The following PFKFB1 variants were observed in gnomAD, a reference collection of about 807,000 sequenced individuals.
The protein encoded by PFKFB1 is 6-phosphofructo-2-kinase/fructose-2,6-bisphosphatase 1.
A neutral mutation model predicts 46.4 loss-of-function variants in PFKFB1; 34 were observed. The ratio of observed to expected loss-of-function variants is 0.73; its 90% CI spans 0.56 to 0.98. The LOEUF (loss-of-function observed/expected upper bound fraction) is 0.98. Ranked by LOEUF, PFKFB1 falls within the 50% of genes least tolerant of loss-of-function variation. The pLI, the probability that PFKFB1 is intolerant of heterozygous loss-of-function variation, is 0.00. For synonymous variants in PFKFB1, 119 were observed against 133.8 expected (o/e 0.89, Z 0.76); for missense variants, 393 against 376.3 (o/e 1.04, Z -0.37).
intron 9 of PFKFB1, 147 bp downstream of exon 9, chrX:54,948,928 A>C: frequency 1.8e-6 from 1 of 561,728 alleles, no homozygotes; most frequent in Non-Finnish European, 2.9e-6. Flanking sequence ...CCCAAGACAT[A>C]GAATAAGGTC....
At chrX:54,934,738 C>T (rs889557704) in intron 12 of PFKFB1, among the ~76,000 whole-genome samples, 13 of 111,802 alleles carry the variant, frequency 1.2e-4, no homozygotes, top group Admixed American at 7.5e-4. Flanking sequence ...GACACAGAGT[C>T]AGAGCCAGCC....
chrX:54,992,696 C>CT (rs1464605508), intron 1 of PFKFB1, among the ~76,000 whole-genome samples: 1 of 112,080 alleles, frequency 8.9e-6, no homozygotes, highest in Non-Finnish European at 1.9e-5. Context: ...GTTCCCAGGA[C>CT]TATAAGCATT....
chrX:54,987,699 A>T (rs1339466325), intron 1 of PFKFB1, among the ~76,000 whole-genome samples: 1 of 111,420 alleles, frequency 9.0e-6, no homozygotes, highest in East Asian at 2.8e-4. Context: ...AATGCAACAG[A>T]TCACATCAAT....
intron 10 of PFKFB1, among the ~76,000 whole-genome samples, chrX:54,939,655 A>C (rs1010491279): frequency 8.0e-5 from 9 of 112,088 alleles, no homozygotes; most frequent in Non-Finnish European, 1.1e-4. Context: ...GAAATGGATA[A>C]ATTCCTGGAC....
chrX:54,971,138 T>C (rs1174172705), intron 1 of PFKFB1, among the ~76,000 whole-genome samples: 1 of 31,725 alleles, frequency 3.2e-5, no homozygotes, highest in Non-Finnish European at 5.6e-5. Context: ...ATGTCTTCTT[T>C]TGAGAAGTGT....
At chrX:54,995,476 T>C (rs181821699), upstream of PFKFB1, among the ~76,000 whole-genome samples, 53 of 112,521 alleles carry the variant, frequency 4.7e-4, no homozygotes, top group African/African-American at 1.6e-3. Flanking sequence ...TTTAATACAT[T>C]CCAGAGCCCA....
At chrX:54,980,710 AAC>A (rs751759536) in intron 1 of PFKFB1, among the ~76,000 whole-genome samples, 10,047 of 83,172 alleles carry the variant, frequency 0.12, 807 homozygotes, top group African/African-American at 0.27. Flanking sequence ...AAAAAAAGCC[AAC>A]ACACACACAC....
chrX:54,934,391 A>G (rs12392887), intron 12 of PFKFB1, among the ~76,000 whole-genome samples: 4,718 of 111,066 alleles, frequency 0.042, 244 homozygotes, highest in African/African-American at 0.15. Flanking sequence ...GAGTTTTAGG[A>G]AACCTGAAGA....
In PFKFB1 at chrX:54,974,007, C is replaced by T. The variant is rs182147436; in HGVS notation, c.98-10625G>A. Among the ~76,000 whole-genome samples the T allele has an allele frequency of 1.4e-3, 151 of 111,241 alleles. 1 individual carries two copies. The highest frequency in any genetic ancestry group is 2.9e-3 in the Admixed American group (30 of 10,447). Reference sequence around the variant, plus strand: ...TAAATAGACATACTGTGTTCATGGACTGGAATACTCAATATGGTAAAGATG... The same window carrying T: ...TAAATAGACATACTGTGTTCATGGATTGGAATACTCAATATGGTAAAGATG... On this transcript the variant is annotated intron_variant, in intron 1 of 13. Coordinates refer to ENST00000375006, the MANE Select transcript of PFKFB1 (RefSeq NM_002625.4).
At chrX:54,983,057 G>A (rs1307794944) in intron 1 of PFKFB1, among the ~76,000 whole-genome samples, 2 of 111,648 alleles carry the variant, frequency 1.8e-5, no homozygotes. Context: ...TTTATAAGGT[G>A]TTCTCAGAAG....
chrX:54,934,684 C>A (rs1933327335), intron 12 of PFKFB1, among the ~76,000 whole-genome samples: 1 of 112,277 alleles, frequency 8.9e-6, no homozygotes, highest in Non-Finnish European at 1.9e-5. Context: ...TTTGGGGAAT[C>A]CCCCTTCCAC....
At chrX:54,942,311 G>A (rs1272456724) in intron 10 of PFKFB1, among the ~76,000 whole-genome samples, 1 of 111,264 alleles carries the variant, frequency 9.0e-6, no homozygotes, top group Non-Finnish European at 1.9e-5. Context: ...TTTAATAGGT[G>A]CAGCACACCA....
At chrX:54,942,388 A>G (rs945684213) in intron 10 of PFKFB1, among the ~76,000 whole-genome samples, 3 of 112,066 alleles carry the variant, frequency 2.7e-5, no homozygotes, top group Admixed American at 9.5e-5. Flanking sequence ...AACTTAAATT[A>G]TAATAAAAAA....
In PFKFB1 at chrX:54,959,838, C is replaced by T; in HGVS notation, c.373G>A (p.Gly125Ser). Residue 125 changes from glycine (G) to serine (S), a missense_variant, in exon 4 of 14, where the codon GGT becomes AGT. Physicochemically the swap from Gly to Ser is moderately conservative, Grantham distance 56. Transcript: ENST00000375006. ...DVHNYLSHEE[G>S]HVAVFDATNT... ...AAAAATTTCTTTACCGCAACATGAC[C>T]TTCCTCATGGCTGAGATAGTTGTGA... 1 of 1,204,676 alleles carries T rather than the reference C, an allele frequency of 8.3e-7. No individual in the cohort carries two copies. Among genetic ancestry groups the T allele is most frequent in the East Asian group, 3.0e-5 (1 of 33,780 alleles).
In PFKFB1 at chrX:54,966,206, G is replaced by C. The variant is rs185971535; in HGVS notation, c.98-2824C>G. 1.6e-3 allele frequency among the ~76,000 whole-genome samples: 174 copies of C among 111,882 alleles called. 1 individual carries two copies. The highest frequency in any genetic ancestry group is 2.5e-3 in the Non-Finnish European group (134 of 53,122). The stretch of plus-strand genomic sequence containing the variant: ...ACATGCCATTTACAAAACATATATA[G>C]TTGGGTCCAATTCTCAGACCTTTTA... On this transcript the variant is annotated intron_variant, in intron 1 of 13. Coordinates refer to ENST00000375006, the MANE Select transcript of PFKFB1 (RefSeq NM_002625.4).
chrX:54,962,322 T>G (rs1475220716), intron 2 of PFKFB1, among the ~76,000 whole-genome samples: 1 of 112,054 alleles, frequency 8.9e-6, no homozygotes, highest in Non-Finnish European at 1.9e-5. Context: ...ATATCCTATG[T>G]AGGAAGCTTT....
chrX:54,986,230 T>C (rs760422014), intron 1 of PFKFB1, among the ~76,000 whole-genome samples: 1 of 111,525 alleles, frequency 9.0e-6, no homozygotes, highest in South Asian at 3.7e-4. Flanking sequence ...GGTGGGAGGA[T>C]CCCTTGAGTC....
At chrX:54,986,981 GA>G (rs1394103128) in intron 1 of PFKFB1, among the ~76,000 whole-genome samples, 2 of 108,942 alleles carry the variant, frequency 1.8e-5, no homozygotes, top group Admixed American at 9.8e-5. Context: ...GAAAACATTA[GA>G]AAAAAATCAA....
At chrX:54,981,654 T>C (rs1602223059) in intron 1 of PFKFB1, among the ~76,000 whole-genome samples, 2 of 111,444 alleles carry the variant, frequency 1.8e-5, no homozygotes, top group African/African-American at 6.5e-5. Context: ...GCAAGTAAAA[T>C]GGTAAACATG....
Sources: gnomAD v4.1 joint callset for allele counts (sites outside exome capture counted in the v4.1 genomes callset) on GRCh38, gnomAD v4.1.1 for gene constraint, MANE v1.5 for transcripts, NCBI Gene and HGNC (gene_info 2026-07-23, HGNC 2026-07-21) for gene names.